The following PPP2R5C variants were observed in gnomAD, a reference collection of about 807,000 sequenced individuals.
PPP2R5C encodes the protein serine/threonine-protein phosphatase 2A 56 kDa regulatory subunit gamma isoform.
In PPP2R5C, 7 loss-of-function variants were observed where a neutral mutation model predicts 68.9. The observed-to-expected ratio is 0.10, with a 90% CI of 0.06 to 0.19. PPP2R5C has a LOEUF of 0.19. Among genes scored for constraint, PPP2R5C ranks in the 10% least tolerant of loss-of-function variants. The pLI, the probability that PPP2R5C is intolerant of heterozygous loss-of-function variation, is 1.00. For missense variants in PPP2R5C, 348 were observed against 641.3 expected (o/e 0.54, Z 4.94); for synonymous variants, 210 against 222.2 (o/e 0.95, Z 0.49).
At chr14:101,777,741 C>T (rs1022321968) in intron 2 of PPP2R5C, among the ~76,000 whole-genome samples, 22 of 152,272 alleles carry the variant, frequency 1.4e-4, no homozygotes, top group African/African-American at 5.1e-4. Flanking sequence ...CAGCAATATA[C>T]AAGGGTTCCA....
At chr14:101,794,714 A>G (rs2038529107) in intron 3 of PPP2R5C, among the ~76,000 whole-genome samples, 1 of 152,168 alleles carries the variant, frequency 6.6e-6, no homozygotes, top group Non-Finnish European at 1.5e-5. Context: ...TTACTAAGCT[A>G]ATGCCTAGAT....
At chr14:101,809,711 C>CT, upstream of PPP2R5C, 1 of 835,136 alleles carries the variant, frequency 1.2e-6, no homozygotes, top group Non-Finnish European at 1.6e-6. Context: ...AATATCCCAG[C>CT]TTTTAAGGCA....
At chr14:101,883,084 T>C (rs962293494) in intron 3 of PPP2R5C, 173 bp from the exon 6 acceptor site, 19 of 572,800 alleles carry the variant, frequency 3.3e-5, no homozygotes, top group Non-Finnish European at 3.6e-5. Context: ...ATAAAATAAT[T>C]ACCATCACCA....
At chr14:101,924,175 T>C (rs2047159893) in intron 13 of PPP2R5C, among the ~76,000 whole-genome samples, 1 of 152,200 alleles carries the variant, frequency 6.6e-6, no homozygotes, top group African/African-American at 2.4e-5. Flanking sequence ...AACTGAATTA[T>C]GTGTTTATTC....
At chr14:101,779,973 C>T (rs1429179848) in intron 2 of PPP2R5C, among the ~76,000 whole-genome samples, 1 of 152,114 alleles carries the variant, frequency 6.6e-6, no homozygotes, top group Non-Finnish European at 1.5e-5. Flanking sequence ...TATAGGGAAG[C>T]CCCAGGTCCC....
chr14:101,795,969 C>T (rs1034293002), intron 3 of PPP2R5C, among the ~76,000 whole-genome samples: 8 of 152,162 alleles, frequency 5.3e-5, no homozygotes, highest in African/African-American at 1.7e-4. Flanking sequence ...ACCACAGGTG[C>T]GCACCACCAC....
chr14:101,818,279 C>T (rs1356518247), intron 1 of PPP2R5C: 2 of 152,184 alleles, frequency 1.3e-5, no homozygotes, highest in Non-Finnish European at 2.9e-5. Context: ...CATCTCCCCT[C>T]CTCATCTTTA....
intron 2 of PPP2R5C, among the ~76,000 whole-genome samples, chr14:101,881,148 G>C (rs1477542481): frequency 1.3e-5 from 2 of 152,154 alleles, no homozygotes; most frequent in East Asian, 3.8e-4. Flanking sequence ...CAGCACTTTG[G>C]GAGGCTGAGG....
intron 1 of PPP2R5C, among the ~76,000 whole-genome samples, chr14:101,837,066 G>A (rs1390829636): frequency 6.6e-6 from 1 of 152,234 alleles, no homozygotes; most frequent in Non-Finnish European, 1.5e-5. Flanking sequence ...TGTTATTACT[G>A]TGAGCCAGTA....
At chr14:101,829,218 C>G (rs1276418184) in intron 1 of PPP2R5C, among the ~76,000 whole-genome samples, 1 of 152,116 alleles carries the variant, frequency 6.6e-6, no homozygotes, top group South Asian at 2.1e-4. Context: ...TTCCCCTTCT[C>G]CATTCCTCCA....
At chr14:101,850,549 AG>A (rs2042095393) in intron 1 of PPP2R5C, among the ~76,000 whole-genome samples, 1 of 152,222 alleles carries the variant, frequency 6.6e-6, no homozygotes, top group African/African-American at 2.4e-5. Context: ...CAAATTCTTA[AG>A]TTCTCCCCAG....
At chr14:101,850,631 A>G (rs1017013255) in intron 1 of PPP2R5C, among the ~76,000 whole-genome samples, 3 of 152,188 alleles carry the variant, frequency 2.0e-5, no homozygotes, top group African/African-American at 7.2e-5. Context: ...GGAATCAACC[A>G]GACATTAAGT....
At chr14:101,809,901 T>G (rs754553684) in exon 1 of PPP2R5C, 1 of 1,596,840 alleles carries the variant, frequency 6.3e-7, no homozygotes, top group East Asian at 2.3e-5. Context: ...GAGGCTGGTT[T>G]CTTGCCTTAA....
chr14:101,925,155 G>A (rs891751251), exon 14 of PPP2R5C: 3 of 1,614,052 alleles, frequency 1.9e-6, no homozygotes, highest in East Asian at 2.2e-5. Flanking sequence ...AGAAAGATCC[G>A]AAGAAGGACC....
chr14:101,791,059 A>G (rs2038338748), intron 3 of PPP2R5C, among the ~76,000 whole-genome samples: 1 of 152,210 alleles, frequency 6.6e-6, no homozygotes, highest in Admixed American at 6.5e-5. Flanking sequence ...CAGCCTGGGC[A>G]ACAGAGCAAG....
At chr14:101,902,323 T>C (rs988660182) in intron 9 of PPP2R5C, among the ~76,000 whole-genome samples, 7 of 152,214 alleles carry the variant, frequency 4.6e-5, no homozygotes, top group Non-Finnish European at 7.3e-5. Flanking sequence ...GGCTGAGAGC[T>C]CTGACTTTTG....
At chr14:101,831,364 A>G (rs2040727775) in intron 1 of PPP2R5C, among the ~76,000 whole-genome samples, 1 of 152,238 alleles carries the variant, frequency 6.6e-6, no homozygotes, top group Non-Finnish European at 1.5e-5. Context: ...CATGTGCAAC[A>G]GGCTATTAAA....
In PPP2R5C at chr14:101,879,883, G is replaced by C. The variant is rs1180436570; in HGVS notation, c.295-2278G>C. Among the ~76,000 whole-genome samples, 2 of 152,260 alleles carry C rather than the reference G, an allele frequency of 1.3e-5. No homozygotes were observed. Among genetic ancestry groups the C allele is most frequent in the Non-Finnish European group, 2.9e-5 (2 of 68,056 alleles). On this transcript the variant is annotated intron_variant, in intron 2 of 13. Coordinates refer to ENST00000334743, the Ensembl canonical transcript of PPP2R5C. This position sits in a 1 kb window ranked among gnomAD's most constrained non-coding sequence, Gnocchi z 4.2. Reference sequence around the variant, plus strand: ...CTTCAGCAGTGGCTGCTAATGACAGGACCCTGGGAGGACATGGCGGCCTGC... The same window carrying C: ...CTTCAGCAGTGGCTGCTAATGACAGCACCCTGGGAGGACATGGCGGCCTGC...
chr14:101,869,614 G>C (rs1185838146), intron 2 of PPP2R5C, among the ~76,000 whole-genome samples: 1 of 152,048 alleles, frequency 6.6e-6, no homozygotes, highest in African/African-American at 2.4e-5. Context: ...ATCTCATTTT[G>C]ATTTTAATTT....
Sources: gnomAD v4.1 joint callset for allele counts (sites outside exome capture counted in the v4.1 genomes callset) on GRCh38, gnomAD v4.1.1 for gene constraint, Gnocchi (gnomAD v3.1) non-coding constraint, MANE v1.5 for transcripts, NCBI Gene and HGNC (gene_info 2026-07-23, HGNC 2026-07-21) for gene names.